The following SIK2 variants were observed in gnomAD, a reference collection of about 807,000 sequenced individuals.
SIK2 encodes salt inducible kinase 2.
Under a neutral mutation model 103.2 loss-of-function variants are expected in SIK2, and 29 were observed. That is an observed-to-expected ratio of 0.28 (90% CI 0.21 to 0.38). The LOEUF (loss-of-function observed/expected upper bound fraction) is 0.38. Ranked by LOEUF, SIK2 falls within the 10% of genes least tolerant of loss-of-function variation. SIK2 has a pLI of 1.00. For missense variants in SIK2, 879 were observed against 1,171.0 expected, an observed-to-expected ratio of 0.75 and a Z score of 3.64; for synonymous variants, 412 against 446.1, an observed-to-expected ratio of 0.92 and a Z score of 0.96.
intron 8 of SIK2, among the ~76,000 whole-genome samples, chr11:111,708,829 C>T (rs1186441769): frequency 6.6e-6 from 1 of 152,102 alleles, no homozygotes; most frequent in Admixed American, 6.5e-5. Context: ...CTCAAGTAAT[C>T]CTCCTACCGT....
Position 111,720,921 on chromosome 11 carries a change from T to A in SIK2, c.1803T>A (p.His601Gln), listed in dbSNP as rs757285765. The A allele has an allele frequency of 2.5e-6, 4 of 1,613,860 alleles. No individual in the cohort carries two copies. Among genetic ancestry groups the A allele is most frequent in the Non-Finnish European group, 3.4e-6 (4 of 1,179,924 alleles). ...CAGGAATTGTAGCATTTAGACAACA[T>A]CTTCAGAATCTGGCTAGAACCAAAG... ...LTQGIVAFRQHLQNLARTKGI... is the reference protein window; with the variant it reads ...LTQGIVAFRQQLQNLARTKGI... Residue 601 changes from histidine to glutamine, a missense_variant, in exon 12 of 15, where the codon CAT becomes CAA. His to Gln is a conservative substitution (Grantham distance 24, BLOSUM62 0). Transcript: ENST00000304987.
intron 3 of SIK2, among the ~76,000 whole-genome samples, chr11:111,674,084 GA>G (rs1942666181): frequency 7.8e-6 from 1 of 127,642 alleles, no homozygotes; most frequent in East Asian, 2.3e-4. Flanking sequence ...AAAAAAAAAA[GA>G]AAAAAAGAAA....
chr11:111,730,195 G>C lies in SIK2; in HGVS notation c.*6066G>C, dbSNP rs76638288. 1.1e-4 allele frequency: 17 copies of C among 152,336 alleles called. No homozygotes were observed. Among genetic ancestry groups the C allele is most frequent in the Non-Finnish European group, 2.5e-4 (17 of 68,024 alleles). 9.4% of individuals were successfully genotyped at this position (152,336 alleles called of 1,614,324 possible). The stretch of plus-strand genomic sequence containing the variant: ...TGGGTAGAGGGGAGCTTTAAAAATA[G>C]AAGTACAAAACAACATCCTGGAAAC... On this transcript the variant is annotated 3_prime_UTR_variant, in exon 15 of 15. Transcript: ENST00000304987.
At chr11:111,721,249 C>T (rs1943792537) in intron 12 of SIK2, among the ~76,000 whole-genome samples, 187 bp downstream of exon 12, 2 of 152,206 alleles carry the variant, frequency 1.3e-5, no homozygotes, top group African/African-American at 4.8e-5. Flanking sequence ...ATCCACGCTG[C>T]TTCCAAGTGA....
intron 9 of SIK2, among the ~76,000 whole-genome samples, chr11:111,712,923 G>A (rs1943541763): frequency 6.6e-6 from 1 of 152,306 alleles, no homozygotes; most frequent in Non-Finnish European, 1.5e-5. Context: ...CCAGCACTTT[G>A]GGAGGCCGAG....
At chr11:111,687,572 A>G (rs1217604588) in intron 3 of SIK2, among the ~76,000 whole-genome samples, 1 of 151,268 alleles carries the variant, frequency 6.6e-6, no homozygotes, top group Non-Finnish European at 1.5e-5. Context: ...GGAAAACACC[A>G]TATTACTTTA....
At chr11:111,621,649 C>T (rs1393085461) in intron 3 of SIK2, among the ~76,000 whole-genome samples, 3 of 152,126 alleles carry the variant, frequency 2.0e-5, no homozygotes, top group Non-Finnish European at 4.4e-5. Context: ...CACAGTGGCT[C>T]ACACCTGTAA....
intron 1 of SIK2, among the ~76,000 whole-genome samples, chr11:111,610,321 C>T (rs1052861829): frequency 1.4e-4 from 21 of 152,020 alleles, no homozygotes; most frequent in Admixed American, 3.9e-4. Context: ...GAAACCCCAT[C>T]TCTACTAAAA....
intron 7 of SIK2, 21 bp downstream of exon 7, chr11:111,703,444 G>A (rs375042738): frequency 4.1e-5 from 66 of 1,608,242 alleles, no homozygotes; most frequent in South Asian, 3.2e-4. Context: ...CAGAGATTTC[G>A]GGGTTCTACT....
Position 111,726,048 on chromosome 11 carries a change from T to C in SIK2, c.*1919T>C, listed in dbSNP as rs1227868301. On this transcript the variant is annotated 3_prime_UTR_variant, in exon 15 of 15. Coordinates refer to ENST00000304987, the MANE Select transcript of SIK2 (RefSeq NM_015191.3). ...TCGTGAAATAAAGAACATCATTTCA[T>C]TTAAGAGATCATTTCATTAAGATCT... The C allele has an allele frequency of 6.6e-6, 1 of 152,238 alleles. No homozygotes were observed. The highest frequency in any genetic ancestry group is 1.5e-5 in the Non-Finnish European group (1 of 68,040). The allele number at this position is 152,238 out of a possible 1,614,324, so 9.4% of individuals were successfully genotyped here.
At chr11:111,686,419 C>T (rs764086427) in intron 3 of SIK2, among the ~76,000 whole-genome samples, 3 of 151,974 alleles carry the variant, frequency 2.0e-5, no homozygotes, top group Non-Finnish European at 4.4e-5. Context: ...CCAGCCTAGG[C>T]GACAGACAAG....
chr11:111,605,420 A>G (rs1187142191), intron 1 of SIK2, among the ~76,000 whole-genome samples: 1 of 152,188 alleles, frequency 6.6e-6, no homozygotes, highest in Non-Finnish European at 1.5e-5. Context: ...TTTAATTAAA[A>G]CTTTTGTTTT....
intron 3 of SIK2, among the ~76,000 whole-genome samples, chr11:111,642,477 A>G (rs1942195597): frequency 6.6e-6 from 1 of 152,150 alleles, no homozygotes. Context: ...AGCCAAACGG[A>G]AGAAATACAT....
At chr11:111,707,223 C>G (rs945643187) in intron 8 of SIK2, among the ~76,000 whole-genome samples, 2 of 152,188 alleles carry the variant, frequency 1.3e-5, no homozygotes, top group African/African-American at 4.8e-5. Context: ...CCTGCCAAGT[C>G]TCTTTATTCT....
chr11:111,625,352 G>A (rs1478395692), intron 3 of SIK2, among the ~76,000 whole-genome samples: 1 of 152,152 alleles, frequency 6.6e-6, no homozygotes, highest in Non-Finnish European at 1.5e-5. Context: ...AGCAGTACAG[G>A]TAGTCCTAAG....
At chr11:111,715,138 G>A (rs1317516127) in intron 9 of SIK2, among the ~76,000 whole-genome samples, 8 of 152,238 alleles carry the variant, frequency 5.3e-5, no homozygotes, top group Admixed American at 5.2e-4. Context: ...TTTGTAGGAA[G>A]AGCAGTGCCA....
intron 3 of SIK2, among the ~76,000 whole-genome samples, chr11:111,653,258 G>A (rs535850077): frequency 1.3e-5 from 2 of 152,218 alleles, no homozygotes; most frequent in Middle Eastern, 3.2e-3. Flanking sequence ...AGACAGTTTA[G>A]TTGGAGATTC....
chr11:111,689,898 G>A (rs772397542), intron 4 of SIK2, among the ~76,000 whole-genome samples: 6 of 151,134 alleles, frequency 4.0e-5, no homozygotes, highest in African/African-American at 9.7e-5. Flanking sequence ...TATAGTCTGT[G>A]ATTTTTTTTT....
chr11:111,694,212 A>G (rs1037064796), intron 4 of SIK2, among the ~76,000 whole-genome samples: 16 of 152,218 alleles, frequency 1.1e-4, no homozygotes, highest in Non-Finnish European at 2.4e-4. Flanking sequence ...TTTAATAGCC[A>G]TATAACCCTC....
Sources: gnomAD v4.1 joint callset for allele counts (sites outside exome capture counted in the v4.1 genomes callset) on GRCh38, gnomAD v4.1.1 for gene constraint, MANE v1.5 for transcripts, NCBI Gene and HGNC (gene_info 2026-07-23, HGNC 2026-07-21) for gene names.